The following GALNT18 variants were observed in gnomAD, a reference collection of about 807,000 sequenced individuals.
GALNT18 encodes the protein GalNAc-transferase 18.
A neutral mutation model predicts 69.5 loss-of-function variants in GALNT18; 44 were observed. The observed-to-expected ratio is 0.63, with a 90% confidence interval of 0.50 to 0.81. The LOEUF (loss-of-function observed/expected upper bound fraction) is 0.81. GALNT18 is among the 40% of genes least tolerant of loss of function. GALNT18 has a pLI of 0.00. For synonymous variants in GALNT18, 364 were observed against 318.2 expected (o/e 1.14, Z -1.53); for missense variants, 715 against 810.0 (o/e 0.88, Z 1.42).
chr11:11,452,797 G>T (rs1855833554), intron 1 of GALNT18, among the ~76,000 whole-genome samples: 1 of 152,164 alleles, frequency 6.6e-6, no homozygotes, highest in Non-Finnish European at 1.5e-5. Context: ...CACCTTCCAG[G>T]ATTGGACTCT....
chr11:11,468,977 GGACAGATGGACAGTCCTATA>G (rs1328731110), intron 1 of GALNT18, among the ~76,000 whole-genome samples: 1 of 152,154 alleles, frequency 6.6e-6, no homozygotes, highest in African/African-American at 2.4e-5. Context: ...CTGGCTGGCT[GGACAGATGGACAGTCCTATA>G]GACAGATGGC....
intron 9 of GALNT18, among the ~76,000 whole-genome samples, chr11:11,322,207 C>T (rs115996787): frequency 0.016 from 2,468 of 152,274 alleles, 51 homozygotes; most frequent in African/African-American, 0.047. Context: ...AAAAAATAGG[C>T]TTAGATTTTA....
intron 3 of GALNT18, among the ~76,000 whole-genome samples, chr11:11,426,234 C>T (rs1855127045): frequency 6.6e-6 from 1 of 152,230 alleles, no homozygotes; most frequent in South Asian, 2.1e-4. Context: ...CTCTGCACTC[C>T]ACCCCACATT....
At chr11:11,409,633 G>C (rs1017867740) in intron 3 of GALNT18, among the ~76,000 whole-genome samples, 1 of 139,462 alleles carries the variant, frequency 7.2e-6, no homozygotes, top group African/African-American at 2.8e-5. Context: ...CCAGTCACTA[G>C]AGGCAGCTCC....
intron 1 of GALNT18, among the ~76,000 whole-genome samples, chr11:11,576,814 G>A (rs778778689): frequency 7.2e-5 from 11 of 152,138 alleles, no homozygotes; most frequent in Non-Finnish European, 1.6e-4. Flanking sequence ...TCACTTTTTT[G>A]TTTTTGCCCT....
intron 1 of GALNT18, among the ~76,000 whole-genome samples, chr11:11,529,102 T>C (rs1857583870): frequency 6.6e-6 from 1 of 152,140 alleles, no homozygotes; most frequent in Non-Finnish European, 1.5e-5. Context: ...TTCCAGGAGG[T>C]ACTACTAGTG....
intron 1 of GALNT18, among the ~76,000 whole-genome samples, chr11:11,492,322 C>G (rs185447495): frequency 6.6e-6 from 1 of 152,318 alleles, no homozygotes; most frequent in East Asian, 1.9e-4. Flanking sequence ...TCACAAGGAA[C>G]ATCTCTGGTA....
intron 1 of GALNT18, among the ~76,000 whole-genome samples, chr11:11,581,201 C>T (rs1326404502): frequency 6.6e-6 from 1 of 152,176 alleles, no homozygotes; most frequent in African/African-American, 2.4e-5. Flanking sequence ...GGAGTAGGGG[C>T]CCCGACAGCA....
At chr11:11,311,023 G>A (rs748503261) in intron 9 of GALNT18, among the ~76,000 whole-genome samples, 1 of 152,148 alleles carries the variant, frequency 6.6e-6, no homozygotes, top group Non-Finnish European at 1.5e-5. Flanking sequence ...TCTCAGCCAG[G>A]AGTGGTACCA....
In GALNT18 at chr11:11,337,982, T is replaced by C. The variant is rs1225117304; in HGVS notation, c.1278+2837A>G. 2.0e-5 allele frequency among the ~76,000 whole-genome samples: 3 copies of C among 148,842 alleles called. No homozygotes were observed. Among genetic ancestry groups the C allele is most frequent in the Non-Finnish European group, 4.5e-5 (3 of 66,970 alleles). ...AAAGATTTTTTTTTTTTTTTTTTTTTTGAGACAGTCTCGCTCTGTCACCCA... is the reference window on the plus strand; with the variant it reads ...AAAGATTTTTTTTTTTTTTTTTTTTCTGAGACAGTCTCGCTCTGTCACCCA... On this transcript the variant is annotated intron_variant, in intron 7 of 10. Transcript: ENST00000227756. The surrounding 1 kb of genome is among the most constrained non-coding windows in gnomAD (Gnocchi z 4.9).
Position 11,555,868 on chromosome 11 carries a change from C to T in GALNT18, c.235+65491G>A, listed in dbSNP as rs1417618428. On this transcript the variant is annotated intron_variant, in intron 1 of 10. Coordinates refer to ENST00000227756, the MANE Select transcript of GALNT18 (RefSeq NM_198516.3). The surrounding 1 kb of genome is among the most constrained non-coding windows in gnomAD (Gnocchi z 4.7). ...ACATGGAATCTTCTCCAAAGACCTC[C>T]AGCACATATCAGGAAAGAGGCTGGG... is the stretch of plus-strand genomic sequence containing the variant. Among the ~76,000 whole-genome samples, 4 of 152,224 alleles carry T rather than the reference C, an allele frequency of 2.6e-5. No homozygotes were observed. Among genetic ancestry groups the T allele is most frequent in the Admixed American group, 2.6e-4 (4 of 15,288 alleles).
chr11:11,410,760 C>T (rs1316443682), intron 3 of GALNT18, among the ~76,000 whole-genome samples: 1 of 152,180 alleles, frequency 6.6e-6, no homozygotes, highest in Non-Finnish European at 1.5e-5. Flanking sequence ...ACTGGTGGCT[C>T]CTGTCTCCTG....
chr11:11,447,115 C>T (rs1855674133), intron 2 of GALNT18, among the ~76,000 whole-genome samples: 1 of 152,200 alleles, frequency 6.6e-6, no homozygotes, highest in Admixed American at 6.5e-5. Flanking sequence ...CCATTCCAGC[C>T]ACAGGGGCCT....
At chr11:11,423,880 G>A (rs968077788) in intron 3 of GALNT18, among the ~76,000 whole-genome samples, 6 of 152,230 alleles carry the variant, frequency 3.9e-5, no homozygotes, top group Non-Finnish European at 7.3e-5. Context: ...ATATGGCACT[G>A]ATTAATTTAT....
rs1225728573 is a variant in GALNT18, at chr11:11,559,377, C to T, written c.235+61982G>A. On this transcript the variant is annotated intron_variant, in intron 1 of 10. Coordinates refer to ENST00000227756, the MANE Select transcript of GALNT18 (RefSeq NM_198516.3). ...TCCATCTACTGTTTCCATCACACCC[C>T]AACTGTCTGCTTCTTTCTCTTGTTA... Among the ~76,000 whole-genome samples, 4 of 152,320 alleles carry T rather than the reference C, an allele frequency of 2.6e-5. No homozygotes were observed. The South Asian group carries it at 8.3e-4, about 32-fold the overall frequency.
rs1317022894 is a variant in GALNT18 at position 11,347,885 on chromosome 11, C to T, written c.1093-6881G>A. On this transcript the variant is annotated intron_variant, in intron 6 of 10. Transcript: ENST00000227756. The surrounding 1 kb of genome is among the most constrained non-coding windows in gnomAD (Gnocchi z 4.0). Reference sequence around the variant, plus strand: ...AACCAGCAGGCTATGGGGAGGAAGACGAGGTGGATGCAGGCTGAGGCTGAG... The same window carrying T: ...AACCAGCAGGCTATGGGGAGGAAGATGAGGTGGATGCAGGCTGAGGCTGAG... 6.6e-6 allele frequency among the ~76,000 whole-genome samples: 1 copy of T among 152,092 alleles called. No individual in the cohort carries two copies. The highest frequency in any genetic ancestry group is 1.5e-5 in the Non-Finnish European group (1 of 68,026).
At chr11:11,489,779 A>T (rs4910363) in intron 1 of GALNT18, among the ~76,000 whole-genome samples, 1 of 152,010 alleles carries the variant, frequency 6.6e-6, no homozygotes, top group Non-Finnish European at 1.5e-5. Flanking sequence ...TCCTTGTAGC[A>T]ACCCAATAAG....
chr11:11,428,850 G>A (rs1159932802), intron 3 of GALNT18, among the ~76,000 whole-genome samples: 1 of 118,130 alleles, frequency 8.5e-6, no homozygotes, highest in Non-Finnish European at 1.7e-5. Flanking sequence ...CACATTGTGA[G>A]GGTAAGTATT....
intron 6 of GALNT18, among the ~76,000 whole-genome samples, chr11:11,370,870 A>C (rs1850885865): frequency 6.6e-6 from 1 of 152,200 alleles, no homozygotes. Flanking sequence ...ACCCACTCAG[A>C]CAATTCCTGA....
Sources: allele counts gnomAD v4.1 joint callset (sites outside exome capture counted in the v4.1 genomes callset), GRCh38; gene constraint gnomAD v4.1.1; non-coding constraint Gnocchi (gnomAD v3.1); transcripts MANE v1.5; gene names NCBI Gene and HGNC (gene_info 2026-07-23, HGNC 2026-07-21).